Variants in CD1B observed in about 807,000 individuals in gnomAD.
CD1B encodes the protein CD1b molecule, also known as T-cell surface glycoprotein CD1b.
CD1B carries 43 observed loss-of-function variants against 39.8 expected under a neutral mutation model. The observed-to-expected ratio is 1.08, with a 90% confidence interval of 0.85 to 1.39. The LOEUF (loss-of-function observed/expected upper bound fraction) is 1.39, where lower values mean the gene tolerates loss of function less well. Ranked by LOEUF, CD1B falls within the 40% of genes most tolerant of loss-of-function variation. CD1B has a pLI of 0.00. For synonymous variants in CD1B, 192 were observed against 152.5 expected (o/e 1.26, Z -1.91); for missense variants, 495 against 403.8 (o/e 1.23, Z -1.94).
the CD1B span, among the ~76,000 whole-genome samples, chr1:158,288,492 A>G: frequency 6.6e-6 from 1 of 151,912 alleles, no homozygotes; most frequent in Non-Finnish European, 1.5e-5. Context: ...TCAGGGCTCA[A>G]AAGATCTTCC....
the CD1B span, among the ~76,000 whole-genome samples, chr1:158,312,415 T>C: frequency 6.6e-6 from 1 of 152,206 alleles, no homozygotes; most frequent in Non-Finnish European, 1.5e-5. Flanking sequence ...GAACTGTGAG[T>C]CCAAATAAAC....
At chr1:158,302,343 G>A in the CD1B span, among the ~76,000 whole-genome samples, 8 of 151,840 alleles carry the variant, frequency 5.3e-5, no homozygotes. Flanking sequence ...AAGTTAGAAA[G>A]ATCTCAAATT....
the CD1B span, among the ~76,000 whole-genome samples, chr1:158,322,882 C>A: frequency 2.0e-5 from 3 of 152,152 alleles, no homozygotes; most frequent in Non-Finnish European, 4.4e-5. Flanking sequence ...TATCAACATT[C>A]CCTTACATGT....
In CD1B at chr1:158,329,435, G is replaced by T; in HGVS notation, c.821C>A (p.Ala274Glu). 6.2e-7 allele frequency: 1 copy of T among 1,614,140 alleles called. No individual in the cohort carries two copies. Among genetic ancestry groups the T allele is most frequent in the Non-Finnish European group, 8.5e-7 (1 of 1,180,020 alleles). ...RATLDVADGE[A>E]AGLSCRVKHS... ...CTTCACCCGACAGGACAGGCCAGCC[G>T]CCTCCCCATCTGCCACATCCAGGGT... is the stretch of plus-strand genomic sequence containing the variant. The change falls in exon 4 of 6, where the codon GCG (alanine) becomes GAG (glutamate). Residue 274 changes from alanine to glutamate, a missense_variant. Physicochemically the swap from Ala to Glu is moderately radical, Grantham distance 107. Coordinates refer to ENST00000368168, the MANE Select transcript of CD1B (RefSeq NM_001764.3).
chr1:158,328,336 TA>T, intron 5 of CD1B, 79 bp from the exon 6 acceptor site: 1 of 1,226,526 alleles, frequency 8.2e-7, no homozygotes, highest in Non-Finnish European at 1.2e-6. Context: ...TTATTCATGA[TA>T]GTTAAAAGTG....
chr1:158,328,821 G>T, intron 5 of CD1B, 100 bp downstream of exon 5: 2 of 837,340 alleles, frequency 2.4e-6, no homozygotes, highest in African/African-American at 1.7e-5. Flanking sequence ...TGAAAGGATT[G>T]AGGATAAACA....
chr1:158,309,309 G>A, the CD1B span, among the ~76,000 whole-genome samples: 2 of 152,060 alleles, frequency 1.3e-5, no homozygotes, highest in Non-Finnish European at 2.9e-5. Flanking sequence ...TTAGAATGGC[G>A]ATCATTAAAA....
intron 5 of CD1B, among the ~76,000 whole-genome samples, 182 bp downstream of exon 5, chr1:158,328,739 T>C (rs546664959): frequency 1.3e-5 from 2 of 152,316 alleles, no homozygotes; most frequent in South Asian, 2.1e-4. Context: ...GTAAACCTTA[T>C]GTTATGTGTA....
At chr1:158,304,235 C>A in the CD1B span, among the ~76,000 whole-genome samples, 1 of 152,256 alleles carries the variant, frequency 6.6e-6, no homozygotes, top group South Asian at 2.1e-4. Flanking sequence ...TCGGGTCATT[C>A]CCACCCTAAT....
At chr1:158,298,946 T>A in the CD1B span, among the ~76,000 whole-genome samples, 2 of 152,224 alleles carry the variant, frequency 1.3e-5, no homozygotes, top group African/African-American at 4.8e-5. Flanking sequence ...AAATATACAA[T>A]CATGTCATCT....
At chr1:158,300,916 G>A in the CD1B span, among the ~76,000 whole-genome samples, 3 of 151,362 alleles carry the variant, frequency 2.0e-5, no homozygotes, top group Admixed American at 6.6e-5. Flanking sequence ...CCACCACCAT[G>A]CCCAGCTAAT....
chr1:158,291,465 A>G, the CD1B span: 1 of 1,547,786 alleles, frequency 6.5e-7, no homozygotes, highest in South Asian at 1.2e-5. Context: ...AATATTCTCT[A>G]CTAATTTTTG....
At chr1:158,316,347 T>A in the CD1B span, among the ~76,000 whole-genome samples, 1 of 151,928 alleles carries the variant, frequency 6.6e-6, no homozygotes, top group African/African-American at 2.4e-5. Context: ...CAGTGGTTTG[T>A]AGTTCTCCTT....
chr1:158,328,344 A>T, intron 5 of CD1B, 87 bp from the exon 6 acceptor site: 1 of 1,110,334 alleles, frequency 9.0e-7, no homozygotes, highest in South Asian at 1.4e-5. Context: ...GATAGTTAAA[A>T]GTGAAAGCAA....
chr1:158,311,072 AT>A, the CD1B span, among the ~76,000 whole-genome samples: 1 of 152,214 alleles, frequency 6.6e-6, no homozygotes, highest in African/African-American at 2.4e-5. Flanking sequence ...GTGGAAAAAA[AT>A]AATTTTTAAA....
the CD1B span, among the ~76,000 whole-genome samples, chr1:158,317,513 C>T: frequency 6.6e-6 from 1 of 152,222 alleles, no homozygotes; most frequent in East Asian, 1.9e-4. Flanking sequence ...GTGATATCCC[C>T]TTTATCATTT....
chr1:158,319,658 C>A, the CD1B span, among the ~76,000 whole-genome samples: 3 of 152,376 alleles, frequency 2.0e-5, no homozygotes, highest in East Asian at 5.8e-4. Context: ...CTTCTTCTCT[C>A]AGCTCGTCAA....
chr1:158,289,367 G>C, the CD1B span, among the ~76,000 whole-genome samples: 2 of 152,128 alleles, frequency 1.3e-5, no homozygotes, highest in African/African-American at 2.4e-5. Flanking sequence ...CTTTATATTT[G>C]TTATGGTCCT....
the CD1B span, chr1:158,292,617 C>T: frequency 6.2e-7 from 1 of 1,612,858 alleles, no homozygotes. Flanking sequence ...GCCTGGCTGT[C>T]CAGTCGCCCC....
Sources: gnomAD v4.1 joint callset for allele counts (sites outside exome capture counted in the v4.1 genomes callset) on GRCh38, gnomAD v4.1.1 for gene constraint, MANE v1.5 for transcripts, NCBI Gene and HGNC (gene_info 2026-07-23, HGNC 2026-07-21) for gene names.